UNC13C: variants seen among roughly 807,000 people sequenced by gnomAD.
UNC13C encodes protein unc-13 homolog C.
Under a neutral mutation model 245.4 loss-of-function variants are expected in UNC13C, and 174 were observed. The observed-to-expected ratio is 0.71, with a 90% CI of 0.63 to 0.80. UNC13C has a LOEUF of 0.80. Ranked by LOEUF, UNC13C falls within the 30% of genes least tolerant of loss-of-function variation. UNC13C has a pLI of 0.00. For missense variants in UNC13C, 2,829 were observed against 2,602.9 expected (o/e 1.09, Z -1.89); for synonymous variants, 992 against 895.1 (o/e 1.11, Z -1.93).
chr15:53,861,500 C>T, the UNC13C span, among the ~76,000 whole-genome samples: 1 of 152,182 alleles, frequency 6.6e-6, no homozygotes, highest in East Asian at 1.9e-4. Context: ...ATCTTTATCA[C>T]ACTTGTTCTT....
chr15:54,484,009 T>C (rs1893270878), intron 19 of UNC13C, among the ~76,000 whole-genome samples: 1 of 152,074 alleles, frequency 6.6e-6, no homozygotes, highest in Admixed American at 6.6e-5. Flanking sequence ...GAAGTGGTCT[T>C]CCATACCTTT....
At chr15:54,038,988 A>G (rs1454344801) in intron 2 of UNC13C, among the ~76,000 whole-genome samples, 1 of 152,176 alleles carries the variant, frequency 6.6e-6, no homozygotes, top group African/African-American at 2.4e-5. Context: ...GCTACAAATT[A>G]ATGGAATATA....
At chr15:54,128,186 T>C (rs1168463091) in intron 2 of UNC13C, among the ~76,000 whole-genome samples, 1 of 152,128 alleles carries the variant, frequency 6.6e-6, no homozygotes, top group Admixed American at 6.6e-5. Flanking sequence ...GAAAATGAAG[T>C]ACTCATAAAT....
intron 2 of UNC13C, among the ~76,000 whole-genome samples, chr15:54,105,396 G>C (rs908543125): frequency 1.1e-4 from 17 of 152,006 alleles, no homozygotes; most frequent in African/African-American, 3.4e-4. Context: ...AGCCTGTCAG[G>C]GTTCTTCTGA....
chr15:54,142,819 G>T (rs772586799), intron 2 of UNC13C, among the ~76,000 whole-genome samples, 199 bp from the exon 3 acceptor site: 11 of 152,078 alleles, frequency 7.2e-5, no homozygotes, highest in Non-Finnish European at 1.6e-4. Context: ...TACTTTTCAA[G>T]CATTCTATTA....
rs78088948 is a variant in UNC13C, at chr15:54,494,681, T to C, written c.5007T>C (p.Asn1669=). 0.026 allele frequency: 42,338 copies of C among 1,611,222 alleles called. 1,357 individuals carry two copies. The highest frequency in any genetic ancestry group is 0.15 in the Admixed American group (8,941 of 59,448). Residue 1669 remains asparagine (N), a synonymous_variant, in exon 20 of 33, where the codon AAT becomes AAC. Coordinates refer to ENST00000260323, the MANE Select transcript of UNC13C (RefSeq NM_001080534.3). ...ATTTCAAAGTTAAATGGTTTTATAA[T>C]GAATATGTGCGTGAACTTCCTGCCT... ...NLHFKVKWFY[N]EYVRELPAFK...
At chr15:54,589,898 C>T (rs750143008) in intron 30 of UNC13C, among the ~76,000 whole-genome samples, 8 of 151,998 alleles carry the variant, frequency 5.3e-5, no homozygotes, top group Non-Finnish European at 7.4e-5. Flanking sequence ...CCAATGTTAT[C>T]GTCTAGAATT....
At chr15:54,608,753 T>A (rs1007698910) in intron 30 of UNC13C, among the ~76,000 whole-genome samples, 3 of 152,222 alleles carry the variant, frequency 2.0e-5, no homozygotes, top group African/African-American at 7.2e-5. Context: ...TTATTGTATC[T>A]GCTGGGAAAT....
intron 19 of UNC13C, among the ~76,000 whole-genome samples, chr15:54,462,717 G>A (rs147010793): frequency 1.5e-3 from 222 of 152,344 alleles, no homozygotes; most frequent in African/African-American, 5.0e-3. Context: ...CCTGCAGCCC[G>A]CCATGCCTGA....
intron 2 of UNC13C, among the ~76,000 whole-genome samples, chr15:54,077,749 A>C (rs7172769): frequency 0.47 from 71,249 of 151,944 alleles, 18,659 homozygotes; most frequent in Non-Finnish European, 0.6. Flanking sequence ...AGCAATAATA[A>C]AAACCAGTTT....
intron 2 of UNC13C, among the ~76,000 whole-genome samples, chr15:54,083,482 C>T (rs1315859216): frequency 1.3e-5 from 2 of 152,242 alleles, no homozygotes; most frequent in Admixed American, 6.5e-5. Context: ...TCACTTTCTG[C>T]GCCAAGAAAA....
chr15:54,384,548 A>G (rs765793817), intron 17 of UNC13C, among the ~76,000 whole-genome samples: 3 of 152,140 alleles, frequency 2.0e-5, no homozygotes, highest in African/African-American at 7.2e-5. Context: ...AAACTACTAG[A>G]AGAAAACAGA....
At chr15:54,082,410 C>T (rs1007292256) in intron 2 of UNC13C, among the ~76,000 whole-genome samples, 1 of 152,164 alleles carries the variant, frequency 6.6e-6, no homozygotes, top group African/African-American at 2.4e-5. Context: ...GCCGATTAGT[C>T]ATAGATTTGG....
intron 13 of UNC13C, among the ~76,000 whole-genome samples, chr15:54,316,264 C>T (rs28563057): frequency 0.52 from 78,437 of 151,712 alleles, 20,690 homozygotes; most frequent in South Asian, 0.69. Context: ...AATTGTTCTC[C>T]TGGAAATTTG....
intron 2 of UNC13C, among the ~76,000 whole-genome samples, chr15:54,047,687 G>T (rs1360731694): frequency 1.3e-5 from 2 of 152,104 alleles, no homozygotes; most frequent in Non-Finnish European, 2.9e-5. Context: ...TGCTATTCAA[G>T]TAATGCTGCT....
chr15:53,881,492 G>A, the UNC13C span, among the ~76,000 whole-genome samples: 1 of 152,208 alleles, frequency 6.6e-6, no homozygotes, highest in East Asian at 1.9e-4. Context: ...GCCACTTTAA[G>A]TCAGGTTGCT....
intron 19 of UNC13C, among the ~76,000 whole-genome samples, chr15:54,441,027 T>A (rs1890499299): frequency 1.3e-5 from 2 of 152,062 alleles, no homozygotes; most frequent in African/African-American, 4.8e-5. Flanking sequence ...TACTGTTGAG[T>A]TATTTGAGTT....
chr15:53,971,592 C>T, the UNC13C span, among the ~76,000 whole-genome samples: 4 of 152,064 alleles, frequency 2.6e-5, no homozygotes, highest in East Asian at 7.7e-4. Flanking sequence ...AAAGTCTCTA[C>T]TAGCTGTTGG....
chr15:54,261,770 C>T (rs1002327686), intron 8 of UNC13C, among the ~76,000 whole-genome samples: 1 of 152,280 alleles, frequency 6.6e-6, no homozygotes, highest in East Asian at 1.9e-4. Context: ...GTCACAATCT[C>T]CTGACCTTGT....
Sources: allele counts gnomAD v4.1 joint callset (sites outside exome capture counted in the v4.1 genomes callset), GRCh38; gene constraint gnomAD v4.1.1; transcripts MANE v1.5; gene names NCBI Gene and HGNC (gene_info 2026-07-23, HGNC 2026-07-21).